The following GINS1 variants were observed in gnomAD, a reference collection of about 807,000 sequenced individuals.
The protein encoded by GINS1 is DNA replication complex GINS protein PSF1.
A neutral mutation model predicts 34.9 loss-of-function variants in GINS1; 26 were observed. The ratio of observed to expected loss-of-function variants is 0.74; its 90% confidence interval spans 0.55 to 1.03. GINS1 has a LOEUF of 1.03. GINS1 is among the 50% of genes least tolerant of loss of function. The pLI is 0.00. For missense variants in GINS1, 235 were observed against 237.9 expected (o/e 0.99, Z 0.08); for synonymous variants, 97 against 84.4 (o/e 1.15, Z -0.82).
chr20:25,420,189 A>G lies in GINS1; in HGVS notation c.330+1994A>G, dbSNP rs947696998. On this transcript the variant is annotated intron_variant, in intron 4 of 6. Coordinates refer to ENST00000262460, the MANE Select transcript of GINS1 (RefSeq NM_021067.5). ...CGCTCTGTTGCTCCAGCTGGAGTGCAGTGGCACGATCTTGGCTCACTGAAA... is the reference window on the plus strand; with the variant it reads ...CGCTCTGTTGCTCCAGCTGGAGTGCGGTGGCACGATCTTGGCTCACTGAAA... Among the ~76,000 whole-genome samples, 3 of 152,182 alleles carry G rather than the reference A, an allele frequency of 2.0e-5. No individual in the cohort carries two copies. The East Asian group carries it at 5.8e-4, about 29-fold the overall frequency.
chr20:25,435,060 G>A (rs967767723), intron 5 of GINS1, among the ~76,000 whole-genome samples: 2 of 152,158 alleles, frequency 1.3e-5, no homozygotes, highest in Admixed American at 6.5e-5. Context: ...ATTGATTTTT[G>A]GGGATGCATT....
In GINS1 at chr20:25,448,551, C is replaced by T. The variant is rs191960391; in HGVS notation, c.*2560C>T. ...TGTTCTATGAATAAAGAGTTTTACT[C>T]CTTCCTTTCTAATCTGAATGCCTTT... On this transcript the variant is annotated 3_prime_UTR_variant, in exon 7 of 7. Coordinates refer to ENST00000262460, the MANE Select transcript of GINS1 (RefSeq NM_021067.5). The T allele has an allele frequency of 1.4e-4, 21 of 152,304 alleles. No homozygotes were observed. Among genetic ancestry groups the T allele is most frequent in the Admixed American group, 1.2e-3 (18 of 15,298 alleles). 9.4% of individuals were successfully genotyped at this position (152,304 alleles called of 1,614,324 possible).
Position 25,445,987 on chromosome 20 carries a change from C to T in GINS1, c.587C>T (p.Ser196Leu), listed in dbSNP as rs745627515. The T allele has an allele frequency of 1.6e-5, 25 of 1,602,496 alleles. No individual in the cohort carries two copies. Among genetic ancestry groups the T allele is most frequent in the East Asian group, 4.5e-5 (2 of 44,832 alleles). Residue 196 changes from serine (S) to leucine (L), a missense_variant, in exon 7 of 7, where the codon TCA becomes TTA. Transcript: ENST00000262460. The stretch of plus-strand genomic sequence containing the variant: ...CAAGGAGTCCTGGAGCACATCCTGT[C>T]ATGACCATGCGCCGAGGCACTTCCA... ...IRQGVLEHIL[S>L]
At chr20:25,429,310 G>C (rs1049119364) in intron 5 of GINS1, among the ~76,000 whole-genome samples, 1 of 152,012 alleles carries the variant, frequency 6.6e-6, no homozygotes, top group African/African-American at 2.4e-5. Flanking sequence ...TTTAAAGGTT[G>C]TTTTCACTAT....
intron 1 of GINS1, 162 bp from the exon 2 acceptor site, chr20:25,413,628 G>C: frequency 1.7e-6 from 1 of 590,554 alleles, no homozygotes; most frequent in Non-Finnish European, 3.1e-6. Flanking sequence ...CAGTTTCTCC[G>C]CATCTCACCA....
chr20:25,422,316 G>A (rs867220193), intron 4 of GINS1, among the ~76,000 whole-genome samples: 1 of 151,786 alleles, frequency 6.6e-6, no homozygotes, highest in Non-Finnish European at 1.5e-5. Context: ...GCTCACACCC[G>A]CAACCCCAGC....
At chr20:25,441,987 T>A (rs1296596161) in intron 6 of GINS1, among the ~76,000 whole-genome samples, 1 of 152,214 alleles carries the variant, frequency 6.6e-6, no homozygotes, top group African/African-American at 2.4e-5. Context: ...TTTAGTAGGA[T>A]ATTGCTTATA....
rs774120725 is a variant in GINS1, at chr20:25,418,142, G to A, written c.277G>A (p.Glu93Lys). ...GCTTCGGATCAGAGCACTCAGATGG[G>A]AATATGGTAGCGTCTTGCCAAATGC... The part of the protein sequence containing the change: ...RLLRIRALRW[E>K]YGSVLPNALR... Residue 93 changes from glutamate to lysine, a missense_variant, in exon 4 of 7, where the codon GAA becomes AAA. Coordinates refer to ENST00000262460, the MANE Select transcript of GINS1 (RefSeq NM_021067.5). 3.1e-6 allele frequency: 5 copies of A among 1,605,908 alleles called. No individual in the cohort carries two copies. The highest frequency in any genetic ancestry group is 4.3e-6 in the Non-Finnish European group (5 of 1,172,348).
At chr20:25,427,154 A>G (rs2090396057) in intron 5 of GINS1, among the ~76,000 whole-genome samples, 1 of 151,910 alleles carries the variant, frequency 6.6e-6, no homozygotes, top group Admixed American at 6.6e-5. Flanking sequence ...CCAACACTAA[A>G]TATTTTGGGG....
At chr20:25,409,578 A>G (rs763206993) in intron 1 of GINS1, among the ~76,000 whole-genome samples, 1 of 152,172 alleles carries the variant, frequency 6.6e-6, no homozygotes, top group Non-Finnish European at 1.5e-5. Context: ...AAAGGTAATG[A>G]GTTTTGTTTT....
intron 2 of GINS1, among the ~76,000 whole-genome samples, chr20:25,415,673 G>T (rs531186431): frequency 5.1e-5 from 6 of 117,174 alleles, no homozygotes; most frequent in Non-Finnish European, 1.0e-4. Flanking sequence ...CAACAATAGC[G>T]AAACTCCATC....
Position 25,420,698 on chromosome 20 carries a change from C to T in GINS1, c.330+2503C>T, listed in dbSNP as rs184965438. On this transcript the variant is annotated intron_variant, in intron 4 of 6. Transcript: ENST00000262460. ...AGGGAGGCTGAGGGCAGGACAATTG[C>T]TTGAGCCTGGGAGGTGGAGGTTGCG... 5.2e-4 allele frequency among the ~76,000 whole-genome samples: 79 copies of T among 150,964 alleles called. 1 individual carries two copies. The highest frequency in any genetic ancestry group is 1.9e-3 in the African/African-American group (77 of 41,100).
At chr20:25,435,194 A>G (rs1428024438) in intron 5 of GINS1, among the ~76,000 whole-genome samples, 2 of 152,172 alleles carry the variant, frequency 1.3e-5, no homozygotes, top group East Asian at 3.9e-4. Flanking sequence ...TACTTTGAAT[A>G]TATTGGCCCA....
At chr20:25,438,212 T>C (rs1296541076) in intron 5 of GINS1, among the ~76,000 whole-genome samples, 5 of 151,894 alleles carry the variant, frequency 3.3e-5, no homozygotes, top group Admixed American at 6.6e-5. Context: ...GTCCAGAGTC[T>C]ATACCTAAAT....
intron 4 of GINS1, chr20:25,419,587 G>T: frequency 1.4e-6 from 1 of 694,658 alleles, no homozygotes; most frequent in Non-Finnish European, 1.9e-6. Context: ...GTGTATTATG[G>T]TGAGATGAAC....
chr20:25,423,499 C>G (rs1326065085), intron 4 of GINS1, among the ~76,000 whole-genome samples: 1 of 85,218 alleles, frequency 1.2e-5, no homozygotes, highest in Non-Finnish European at 2.1e-5. Context: ...GACGGCATCT[C>G]ACTCTGTCGC....
intron 1 of GINS1, 166 bp from the exon 2 acceptor site, chr20:25,413,624 C>T: frequency 5.1e-6 from 3 of 592,474 alleles, no homozygotes; most frequent in Non-Finnish European, 9.1e-6. Flanking sequence ...GTTCCAGTTT[C>T]TCCGCATCTC....
intron 4 of GINS1, among the ~76,000 whole-genome samples, chr20:25,422,081 A>G (rs1247329603): frequency 1.3e-5 from 2 of 152,198 alleles, no homozygotes; most frequent in African/African-American, 4.8e-5. Context: ...GAAATCTAAC[A>G]TAAAAACAGG....
chr20:25,409,815 A>G (rs957115631), intron 1 of GINS1, among the ~76,000 whole-genome samples: 9 of 152,200 alleles, frequency 5.9e-5, no homozygotes, highest in African/African-American at 2.2e-4. Context: ...CTCAGTAGAG[A>G]TGCTTGAATG....
Sources: allele counts gnomAD v4.1 joint callset (sites outside exome capture counted in the v4.1 genomes callset), GRCh38; gene constraint gnomAD v4.1.1; transcripts MANE v1.5; gene names NCBI Gene and HGNC (gene_info 2026-07-23, HGNC 2026-07-21).